Variants in PTPRK observed in about 807,000 individuals in gnomAD.
PTPRK encodes receptor-type tyrosine-protein phosphatase kappa.
In PTPRK, 75 loss-of-function variants were observed where a neutral mutation model predicts 178.0. The observed-to-expected ratio is 0.42, with a 90% CI of 0.35 to 0.51. PTPRK has a LOEUF of 0.51. Among genes scored for constraint, PTPRK ranks in the 20% least tolerant of loss-of-function variants. The pLI, the probability that PTPRK is intolerant of heterozygous loss-of-function variation, is 0.02. For missense variants in PTPRK, 1,441 were observed against 1,797.8 expected (o/e 0.80, Z 3.59); for synonymous variants, 637 against 620.6 (o/e 1.03, Z -0.39).
intron 6 of PTPRK, among the ~76,000 whole-genome samples, chr6:128,198,095 G>C (rs1805235712): frequency 6.6e-6 from 1 of 152,048 alleles, no homozygotes; most frequent in African/African-American, 2.4e-5. Context: ...ATATCATACT[G>C]GAGTGATCTA....
At chr6:128,383,317 T>C (rs1011496657) in intron 2 of PTPRK, among the ~76,000 whole-genome samples, 1 of 151,960 alleles carries the variant, frequency 6.6e-6, no homozygotes, top group African/African-American at 2.4e-5. Flanking sequence ...TCATGTAACA[T>C]GCAGAAAAAA....
intron 13 of PTPRK, among the ~76,000 whole-genome samples, chr6:128,055,356 C>T (rs1779715771): frequency 6.6e-6 from 1 of 151,946 alleles, no homozygotes; most frequent in African/African-American, 2.4e-5. Context: ...AATGAACTGG[C>T]CCTGTGATAC....
chr6:128,118,569 T>A (rs189395959), intron 7 of PTPRK, among the ~76,000 whole-genome samples: 2 of 152,346 alleles, frequency 1.3e-5, no homozygotes, highest in Admixed American at 1.3e-4. Context: ...CCTCTGAATT[T>A]TTTTAAAAAT....
At chr6:128,480,484 G>A (rs1851936256) in intron 1 of PTPRK, among the ~76,000 whole-genome samples, 1 of 152,006 alleles carries the variant, frequency 6.6e-6, no homozygotes, top group Non-Finnish European at 1.5e-5. Context: ...ATATCTCCGT[G>A]CTCTATCCAT....
intron 1 of PTPRK, among the ~76,000 whole-genome samples, chr6:128,435,058 A>C (rs199524073): frequency 0.014 from 969 of 69,746 alleles, 5 homozygotes; most frequent in East Asian, 0.044. Flanking sequence ...GGAAGGAAGG[A>C]AGGAAGGAAG....
At chr6:128,258,490 AT>A (rs759487194) in intron 3 of PTPRK, among the ~76,000 whole-genome samples, 3 of 152,222 alleles carry the variant, frequency 2.0e-5, no homozygotes, top group Non-Finnish European at 4.4e-5. Flanking sequence ...CAAATACTGA[AT>A]AAAAATGTTA....
chr6:128,113,227 G>T (rs1790957779), intron 7 of PTPRK, among the ~76,000 whole-genome samples: 1 of 151,826 alleles, frequency 6.6e-6, no homozygotes, highest in Admixed American at 6.6e-5. Context: ...ATGGTATTGA[G>T]CCAAGTAACT....
chr6:128,297,539 T>A (rs1052820988), intron 3 of PTPRK, among the ~76,000 whole-genome samples: 1 of 152,192 alleles, frequency 6.6e-6, no homozygotes, highest in Non-Finnish European at 1.5e-5. Flanking sequence ...CAGACCACAG[T>A]GCAATCAAAC....
At position 128,219,033 on chromosome 6, in the gene PTPRK, C is replaced by T. The variant is rs1448317956; in HGVS notation, c.757G>A (p.Ala253Thr). The change falls in exon 6 of 30, where the codon GCT becomes ACT. Residue 253 changes from alanine to threonine, a missense_variant. Ala to Thr is a moderately conservative substitution (Grantham distance 58). Coordinates refer to ENST00000368226, the MANE Select transcript of PTPRK (RefSeq NM_002844.4). ...TKNINHRRFA[A>T]SFRLQEVTKT... The stretch of plus-strand genomic sequence containing the variant: ...GTCACTTCTTGCAATCTGAAGGAAG[C>T]GGCAAACCTTCTATGATTGATGTTC... 25 of 1,613,618 alleles carry T rather than the reference C, an allele frequency of 1.5e-5. No homozygotes were observed. The East Asian group carries it at 1.8e-4, about 12-fold the overall frequency.
Position 128,403,748 on chromosome 6 carries a change from G to A in PTPRK, c.101-6060C>T, listed in dbSNP as rs1434690039. 5.9e-5 allele frequency among the ~76,000 whole-genome samples: 9 copies of A among 152,106 alleles called. No homozygotes were observed. In the East Asian group the frequency reaches 1.7e-3, roughly 29 times the overall value. On this transcript the variant is annotated intron_variant, in intron 1 of 29. Coordinates refer to ENST00000368226, the MANE Select transcript of PTPRK (RefSeq NM_002844.4). ...AAGACTAAAAATAGTTTATATGAAGGCAATATTACCATATTGCCAAAACCA... is the reference window on the plus strand; with the variant it reads ...AAGACTAAAAATAGTTTATATGAAGACAATATTACCATATTGCCAAAACCA...
intron 1 of PTPRK, among the ~76,000 whole-genome samples, chr6:128,497,864 A>C (rs1226825856): frequency 5.3e-5 from 8 of 152,106 alleles, no homozygotes; most frequent in African/African-American, 1.7e-4. Context: ...ATGACTACGA[A>C]TCACTTTAAA....
rs575082293 is a variant in PTPRK, at chr6:128,520,526, C to A, written c.-168G>T. On this transcript the variant is annotated 5_prime_UTR_variant, in exon 1 of 30. Transcript: ENST00000368226. ...CGCGGTCGCCAAACTACCTCAGGGG[C>A]GAAAGCGTCGCCAGCGTCGCCGGCC... 4.9e-6 allele frequency: 3 copies of A among 607,872 alleles called. No individual in the cohort carries two copies. The highest frequency in any genetic ancestry group is 3.7e-5 in the African/African-American group (2 of 53,598). The allele number at this position is 607,872 out of a possible 1,614,324, so 37.7% of individuals were successfully genotyped here.
chr6:128,262,102 A>G (rs1390997803), intron 3 of PTPRK, among the ~76,000 whole-genome samples: 1 of 152,180 alleles, frequency 6.6e-6, no homozygotes, highest in African/African-American at 2.4e-5. Context: ...GCTTGGTATT[A>G]CAGTCAAATA....
chr6:128,403,068 A>C (rs574279498), intron 1 of PTPRK, among the ~76,000 whole-genome samples: 67 of 152,326 alleles, frequency 4.4e-4, no homozygotes, highest in African/African-American at 1.5e-3. Context: ...AATAACTCTT[A>C]ATGATGACAG....
rs1468296220 is a variant in PTPRK, at chr6:128,320,121, G to A, written c.495+1918C>T. ...CCAAAATGATGTCACTGGCCAGGCT[G>A]GAACTCACCCAGGCACTTTTTGTAC... On this transcript the variant is annotated intron_variant, in intron 3 of 29. Transcript: ENST00000368226. Among the ~76,000 whole-genome samples, 4 of 152,122 alleles carry A rather than the reference G, an allele frequency of 2.6e-5. No homozygotes were observed. In the East Asian group the frequency reaches 5.8e-4, roughly 22 times the overall value.
chr6:127,979,518 G>T (rs1166690597), intron 25 of PTPRK, among the ~76,000 whole-genome samples: 3 of 152,124 alleles, frequency 2.0e-5, no homozygotes, highest in Non-Finnish European at 2.9e-5. Flanking sequence ...AAAAGAAAAG[G>T]TATAATTAGG....
At chr6:128,404,838 G>A (rs915347981) in intron 1 of PTPRK, among the ~76,000 whole-genome samples, 14 of 152,218 alleles carry the variant, frequency 9.2e-5, no homozygotes, top group African/African-American at 2.9e-4. Context: ...GAGCAAGAAA[G>A]TACCAGAGCC....
intron 7 of PTPRK, among the ~76,000 whole-genome samples, chr6:128,126,484 G>A (rs1793397333): frequency 6.6e-6 from 1 of 152,008 alleles, no homozygotes; most frequent in African/African-American, 2.4e-5. Context: ...AGAAATAAGT[G>A]TTTTTGTTTT....
At chr6:128,495,525 CCT>C (rs994781604) in intron 1 of PTPRK, among the ~76,000 whole-genome samples, 1 of 151,962 alleles carries the variant, frequency 6.6e-6, no homozygotes, top group African/African-American at 2.4e-5. Context: ...CTCATCCTTC[CCT>C]CTCTCTAAGT....
Sources: allele counts gnomAD v4.1 joint callset (sites outside exome capture counted in the v4.1 genomes callset), GRCh38; gene constraint gnomAD v4.1.1; transcripts MANE v1.5; gene names NCBI Gene and HGNC (gene_info 2026-07-23, HGNC 2026-07-21).